SRGAP2C: variants seen among roughly 807,000 people sequenced by gnomAD.
SRGAP2C encodes the protein SLIT-ROBO Rho GTPase-activating protein 2C.
In SRGAP2C, 15 loss-of-function variants were observed where a neutral mutation model predicts 25.1. The ratio of observed to expected loss-of-function variants is 0.60; its 90% confidence interval spans 0.40 to 0.92. SRGAP2C has a LOEUF of 0.92. SRGAP2C is among the 40% of genes least tolerant of loss of function. The pLI is 0.00. For synonymous variants in SRGAP2C, 44 were observed against 96.6 expected (o/e 0.46, Z 3.19); for missense variants, 144 against 264.4 (o/e 0.54, Z 3.16).
At chr1:121,347,533 G>A (rs1658777713) in intron 4 of SRGAP2C, among the ~76,000 whole-genome samples, 2 of 151,554 alleles carry the variant, frequency 1.3e-5, no homozygotes, top group Admixed American at 1.3e-4. Flanking sequence ...TTTATGCCTA[G>A]GGTTTACCCA....
Position 121,392,146 on chromosome 1 carries a change from CAGAA to C in SRGAP2C, c.*4296_*4299del, listed in dbSNP as rs1553358203. 1 of 152,104 alleles carries C rather than the reference CAGAA, an allele frequency of 6.6e-6. No homozygotes were observed. Among genetic ancestry groups the C allele is most frequent in the Non-Finnish European group, 1.5e-5 (1 of 68,010 alleles). 9.4% of individuals were successfully genotyped at this position (152,104 alleles called of 1,614,324 possible). On this transcript the variant is annotated 3_prime_UTR_variant, in exon 10 of 10. Transcript: ENST00000367123. ...AATGGAAAATACTGTCTCTGAGAAA[CAGAA>C]AGAATAAAAAATAAACAATGAGCAG...
intron 8 of SRGAP2C, among the ~76,000 whole-genome samples, chr1:121,383,381 G>A (rs1431101688): frequency 1.3e-5 from 2 of 151,958 alleles, no homozygotes; most frequent in Non-Finnish European, 2.9e-5. Flanking sequence ...GCTTTAGTGG[G>A]GAAGCGAGGG....
chr1:121,210,963 T>C (rs1655234591), intron 2 of SRGAP2C, among the ~76,000 whole-genome samples: 1 of 105,384 alleles, frequency 9.5e-6, no homozygotes, highest in Admixed American at 9.5e-5. Flanking sequence ...GCAGGCCTGC[T>C]TGGCTGTGCG....
chr1:121,192,061 A>G (rs374825844), intron 2 of SRGAP2C, among the ~76,000 whole-genome samples: 49 of 152,064 alleles, frequency 3.2e-4, no homozygotes, highest in Middle Eastern at 3.4e-3. Context: ...AGGAGATGAA[A>G]TTTAAAACTG....
At chr1:121,375,041 A>G (rs1267882390) in intron 7 of SRGAP2C, 87 bp downstream of exon 7, 2 of 677,324 alleles carry the variant, frequency 3.0e-6, no homozygotes, top group African/African-American at 3.6e-5. Context: ...TTGTTCAGGA[A>G]TCTGGTGCAT....
At chr1:121,363,870 G>T (rs1339595108) in intron 4 of SRGAP2C, among the ~76,000 whole-genome samples, 1 of 150,046 alleles carries the variant, frequency 6.7e-6, no homozygotes, top group Non-Finnish European at 1.5e-5. Flanking sequence ...CACTTAGAGT[G>T]GTGATTTCTT....
chr1:121,365,245 C>T, intron 4 of SRGAP2C, 48 bp from the exon 5 acceptor site: 1 of 370,550 alleles, frequency 2.7e-6, no homozygotes, highest in South Asian at 2.4e-5. Context: ...GTTGCTCCCT[C>T]CTCTCTCTTC....
intron 7 of SRGAP2C, among the ~76,000 whole-genome samples, chr1:121,375,760 A>G (rs1659628173): frequency 6.6e-6 from 1 of 151,950 alleles, no homozygotes; most frequent in Non-Finnish European, 1.5e-5. Flanking sequence ...GTGTTAACTC[A>G]TTTAACTCTC....
In SRGAP2C at chr1:121,314,245, C is replaced by T. The variant is rs1291986871; in HGVS notation, c.261-10233C>T. Among the ~76,000 whole-genome samples, 603 of 140,576 alleles carry T rather than the reference C, an allele frequency of 4.3e-3. 8 individuals carry two copies. Among genetic ancestry groups the T allele is most frequent in the African/African-American group, 0.015 (557 of 37,102 alleles). The allele number at this position is 140,576 out of a possible 152,430, so 92.2% of individuals were successfully genotyped here. The stretch of plus-strand genomic sequence containing the variant: ...GCTCCTGAGGCTTCTGCATTCTTCA[C>T]GTAGTTCTCGAGCCTTGGTTTTCAG... On this transcript the variant is annotated intron_variant, in intron 3 of 9. Transcript: ENST00000367123.
At chr1:121,191,709 G>A (rs1355114993) in intron 2 of SRGAP2C, among the ~76,000 whole-genome samples, 1 of 151,964 alleles carries the variant, frequency 6.6e-6, no homozygotes, top group African/African-American at 2.4e-5. Context: ...TACAGTCCCA[G>A]CTATTGTTCT....
chr1:121,294,539 G>A (rs1272756521), intron 3 of SRGAP2C, among the ~76,000 whole-genome samples: 3 of 115,072 alleles, frequency 2.6e-5, no homozygotes, highest in African/African-American at 9.5e-5. Flanking sequence ...CTTTTAAGTG[G>A]AATCTGTGTT....
intron 2 of SRGAP2C, among the ~76,000 whole-genome samples, chr1:121,277,379 TTTTG>T (rs1425983092): frequency 1.3e-5 from 2 of 151,888 alleles, no homozygotes; most frequent in Non-Finnish European, 2.9e-5. Flanking sequence ...AAAGTGGTTT[TTTTG>T]TTTGTTTCTT....
At chr1:121,275,599 G>T (rs587699454) in intron 2 of SRGAP2C, among the ~76,000 whole-genome samples, 1 of 146,734 alleles carries the variant, frequency 6.8e-6, no homozygotes, top group South Asian at 2.2e-4. Flanking sequence ...TTGCTTTTGA[G>T]TCACTTGAAA....
intron 2 of SRGAP2C, among the ~76,000 whole-genome samples, chr1:121,273,865 G>A (rs587740901): frequency 6.6e-5 from 10 of 151,986 alleles, no homozygotes; most frequent in Non-Finnish European, 1.0e-4. Flanking sequence ...AAGCCTGGGT[G>A]GGATTGAGAG....
Position 121,391,040 on chromosome 1 carries a change from A to AT in SRGAP2C, c.*3185_*3186insT, listed in dbSNP as rs1303838845. 3.6e-5 allele frequency: 1 copy of AT among 27,924 alleles called. No individual in the cohort carries two copies. The highest frequency in any genetic ancestry group is 1.0e-4 in the African/African-American group (1 of 9,566). The allele number at this position is 27,924 out of a possible 1,614,324, so 1.7% of individuals were successfully genotyped here. Reference sequence around the variant, plus strand: ...TGGGTGACAGAGTAAGACTCTGCCTAAAAAAAAAAAAAGAAAGATTAAAAA... The same window carrying AT: ...TGGGTGACAGAGTAAGACTCTGCCTATAAAAAAAAAAAAGAAAGATTAAAAA... On this transcript the variant is annotated 3_prime_UTR_variant, in exon 10 of 10. Transcript: ENST00000367123.
At chr1:121,374,774 C>G (rs1659593452) in intron 6 of SRGAP2C, 52 bp from the exon 7 acceptor site, 1 of 750,722 alleles carries the variant, frequency 1.3e-6, no homozygotes, top group Admixed American at 1.8e-5. Flanking sequence ...TTTTAGAGAA[C>G]AAGCCCCCCT....
At chr1:121,289,473 C>T (rs1434222192) in intron 3 of SRGAP2C, among the ~76,000 whole-genome samples, 2 of 149,044 alleles carry the variant, frequency 1.3e-5, no homozygotes, top group African/African-American at 4.9e-5. Context: ...CCCCGGTTCC[C>T]GCTCGTGCCT....
chr1:121,228,675 G>T (rs1159695148), intron 2 of SRGAP2C, among the ~76,000 whole-genome samples: 3 of 151,902 alleles, frequency 2.0e-5, no homozygotes, highest in Admixed American at 2.0e-4. Flanking sequence ...TCTTCTAATA[G>T]ATGGGCAACA....
intron 3 of SRGAP2C, among the ~76,000 whole-genome samples, chr1:121,296,216 G>A (rs1358988678): frequency 2.0e-5 from 3 of 151,920 alleles, no homozygotes; most frequent in African/African-American, 7.3e-5. Context: ...CTGTATGCAG[G>A]GCTAAAGAGA....
Sources: gnomAD v4.1 joint callset for allele counts (sites outside exome capture counted in the v4.1 genomes callset) on GRCh38, gnomAD v4.1.1 for gene constraint, MANE v1.5 for transcripts, NCBI Gene and HGNC (gene_info 2026-07-23, HGNC 2026-07-21) for gene names.